The following PDSS1 variants were observed in gnomAD, a reference collection of about 807,000 sequenced individuals.
PDSS1 encodes all trans-polyprenyl-diphosphate synthase PDSS1.
Under a neutral mutation model 57.5 loss-of-function variants are expected in PDSS1, and 43 were observed. The ratio of observed to expected loss-of-function variants is 0.75; its 90% CI spans 0.59 to 0.96. The LOEUF is 0.96. Among genes scored for constraint, PDSS1 ranks in the 50% least tolerant of loss-of-function variants. PDSS1 has a pLI of 0.00. For missense variants in PDSS1, 438 were observed against 527.8 expected (o/e 0.83, Z 1.67); for synonymous variants, 175 against 191.3 (o/e 0.91, Z 0.70).
chr10:26,712,001 C>CTTTTTTTT lies in PDSS1; in HGVS notation c.467+2244_467+2251dup, dbSNP rs543847648. On this transcript the variant is annotated intron_variant, in intron 5 of 11. Transcript: ENST00000376215. Reference sequence around the variant, plus strand: ...ATTGGAAGTTTTTCTTTTTCTTTTTCTTTTTTTTTTTTTTTTTTGAGATGG... The same window carrying CTTTTTTTT: ...ATTGGAAGTTTTTCTTTTTCTTTTTCTTTTTTTTTTTTTTTTTTTTTTTTTTGAGATGG... Among the ~76,000 whole-genome samples the CTTTTTTTT allele has an allele frequency of 1.9e-4, 12 of 61,924 alleles. 1 individual carries two copies. The East Asian group carries it at 3.5e-3, about 18-fold the overall frequency. 40.6% of individuals were successfully genotyped at this position (61,924 alleles called of 152,430 possible).
At chr10:26,732,476 C>G (rs1460240593) in intron 8 of PDSS1, among the ~76,000 whole-genome samples, 1 of 152,162 alleles carries the variant, frequency 6.6e-6, no homozygotes, top group Non-Finnish European at 1.5e-5. Flanking sequence ...TCCTTGACCT[C>G]TTGGAGGTTC....
At chr10:26,702,054 A>C in intron 1 of PDSS1, 108 bp from the exon 2 acceptor site, 1 of 433,546 alleles carries the variant, frequency 2.3e-6, no homozygotes, top group Non-Finnish European at 4.6e-6. Context: ...GAGGCCTGTA[A>C]GCCCCTTCGT....
chr10:26,722,278 A>G (rs1450954739), intron 6 of PDSS1, among the ~76,000 whole-genome samples: 29 of 152,258 alleles, frequency 1.9e-4, no homozygotes, highest in Non-Finnish European at 1.6e-4. Flanking sequence ...TGTATATTAT[A>G]TAAAGTGGTG....
chr10:26,730,060 C>CACTG (rs1836120637), intron 8 of PDSS1, among the ~76,000 whole-genome samples: 1 of 151,462 alleles, frequency 6.6e-6, no homozygotes. Context: ...CTACAGGTGC[C>CACTG]CGCTACCACG....
At chr10:26,720,968 C>G (rs1338658806) in intron 6 of PDSS1, among the ~76,000 whole-genome samples, 2 of 152,124 alleles carry the variant, frequency 1.3e-5, no homozygotes, top group African/African-American at 4.8e-5. Context: ...AATGAAAATG[C>G]ACAGGCATCC....
chr10:26,714,618 G>A (rs1374957941), intron 5 of PDSS1: 1 of 152,244 alleles, frequency 6.6e-6, no homozygotes, highest in African/African-American at 2.4e-5. Context: ...TGAAGACACT[G>A]TTATCACTGG....
rs1836300068 is a variant in PDSS1 at position 26,733,921 on chromosome 10, C to G, written c.832-1319C>G. Among the ~76,000 whole-genome samples the G allele has an allele frequency of 2.6e-5, 4 of 152,156 alleles. 1 individual carries two copies. In the South Asian group the frequency reaches 8.3e-4, roughly 32 times the overall value. On this transcript the variant is annotated intron_variant, in intron 8 of 11. Transcript: ENST00000376215. The stretch of plus-strand genomic sequence containing the variant: ...CCCAGGAGTTCAAGGTTACAGTGAG[C>G]TATGATCGCACCACTGTACCCCAGC...
intron 8 of PDSS1, among the ~76,000 whole-genome samples, chr10:26,731,079 C>T (rs1836177862): frequency 1.3e-5 from 2 of 151,976 alleles, no homozygotes; most frequent in Non-Finnish European, 2.9e-5. Context: ...TGGTGGCACA[C>T]ACCTGTAATC....
At chr10:26,732,896 G>A (rs1197424) in intron 8 of PDSS1, among the ~76,000 whole-genome samples, 121,356 of 151,990 alleles carry the variant, frequency 0.8, 48,988 homozygotes, top group South Asian at 0.85. Context: ...TGAGGCAGGC[G>A]GATCACCTGA....
chr10:26,723,921 C>A lies in PDSS1; in HGVS notation c.721+4C>A, dbSNP rs570270874. On this transcript the variant is annotated splice_donor_region_variant and intron_variant, in intron 7 of 11. Coordinates refer to ENST00000376215, the MANE Select transcript of PDSS1 (RefSeq NM_014317.5). ...GTTATTGAAGATTTGGTGCGTGGTA[C>A]GTTGATTCTGATTTTTCTTCTTTGT... is the stretch of plus-strand genomic sequence containing the variant. 89 of 1,599,388 alleles carry A rather than the reference C, an allele frequency of 5.6e-5. No homozygotes were observed. The highest frequency in any genetic ancestry group is 7.1e-5 in the Non-Finnish European group (83 of 1,166,570).
At chr10:26,701,313 T>G (rs1229858830) in intron 1 of PDSS1, among the ~76,000 whole-genome samples, 5 of 152,210 alleles carry the variant, frequency 3.3e-5, no homozygotes, top group Non-Finnish European at 5.9e-5. Context: ...GAGCCGAATG[T>G]TAATAGCCAA....
intron 5 of PDSS1, among the ~76,000 whole-genome samples, chr10:26,718,487 G>T (rs192779055): frequency 1.1e-4 from 17 of 152,110 alleles, no homozygotes; most frequent in African/African-American, 3.6e-4. Flanking sequence ...GAGGCCAGGC[G>T]TGGTGGCTCA....
intron 6 of PDSS1, among the ~76,000 whole-genome samples, chr10:26,721,687 G>A (rs1835791844): frequency 1.3e-5 from 2 of 152,222 alleles, no homozygotes. Context: ...GCCGTCAGCT[G>A]TATCTGTTTT....
At chr10:26,742,025 A>T (rs1836632324) in intron 10 of PDSS1, among the ~76,000 whole-genome samples, 1 of 152,070 alleles carries the variant, frequency 6.6e-6, no homozygotes, top group Non-Finnish European at 1.5e-5. Flanking sequence ...ACAGGCGTGC[A>T]CCATCATGCC....
At chr10:26,717,421 G>A (rs572427517) in intron 5 of PDSS1, among the ~76,000 whole-genome samples, 19 of 152,280 alleles carry the variant, frequency 1.2e-4, no homozygotes, top group African/African-American at 2.9e-4. Context: ...TAGTGGAGAC[G>A]TGGTTTCGTC....
chr10:26,712,857 G>C lies in PDSS1; in HGVS notation c.467+3089G>C, dbSNP rs1464280466. ...GTGAACCTGACATTGAACCTGACAG[G>C]CTTGCTTGTTGGTGATGTCATAATG... On this transcript the variant is annotated intron_variant, in intron 5 of 11. Transcript: ENST00000376215. Among the ~76,000 whole-genome samples, 4 of 98,674 alleles carry C rather than the reference G, an allele frequency of 4.1e-5. 2 individuals are homozygous for C. Among genetic ancestry groups the C allele is most frequent in the Non-Finnish European group, 9.4e-5 (4 of 42,502 alleles). 64.7% of individuals were successfully genotyped at this position (98,674 alleles called of 152,430 possible).
chr10:26,700,328 G>T (rs942785457), intron 1 of PDSS1, among the ~76,000 whole-genome samples: 2 of 142,630 alleles, frequency 1.4e-5, no homozygotes, highest in African/African-American at 5.2e-5. Context: ...CTTTAGCTGA[G>T]CGTGGTGGCT....
intron 10 of PDSS1, among the ~76,000 whole-genome samples, chr10:26,741,944 G>T (rs570972976): frequency 6.6e-6 from 1 of 152,102 alleles, no homozygotes; most frequent in South Asian, 2.1e-4. Context: ...GCGCAATCTC[G>T]GCTCACTGCA....
At chr10:26,702,912 T>C in intron 2 of PDSS1, among the ~76,000 whole-genome samples, 1 of 152,164 alleles carries the variant, frequency 6.6e-6, no homozygotes, top group East Asian at 1.9e-4. Flanking sequence ...AAATCGGAAT[T>C]AGAAAATGAC....
Sources: allele counts gnomAD v4.1 joint callset (sites outside exome capture counted in the v4.1 genomes callset), GRCh38; gene constraint gnomAD v4.1.1; transcripts MANE v1.5; gene names NCBI Gene and HGNC (gene_info 2026-07-23, HGNC 2026-07-21).